RPS6KC1: variants seen among roughly 807,000 people sequenced by gnomAD.
The protein encoded by RPS6KC1 is inactive ribosomal protein S6 kinase delta-1.
RPS6KC1 carries 54 observed loss-of-function variants against 103.8 expected under a neutral mutation model. The ratio of observed to expected loss-of-function variants is 0.52; its 90% CI spans 0.42 to 0.65. The LOEUF is 0.65. Among genes scored for constraint, RPS6KC1 ranks in the 30% least tolerant of loss-of-function variants. The probability of loss-of-function intolerance (pLI) is 0.00; values close to 1 mark genes in which losing one functional copy is unlikely to be tolerated. For synonymous variants in RPS6KC1, 439 were observed against 438.7 expected (o/e 1.00, Z -0.01); for missense variants, 1,151 against 1,253.8 (o/e 0.92, Z 1.24).
chr1:213,649,067 G>A, the RPS6KC1 span, among the ~76,000 whole-genome samples: 1 of 151,848 alleles, frequency 6.6e-6, no homozygotes, highest in Non-Finnish European at 1.5e-5. Context: ...AGAACTCCAG[G>A]CTCAGAGGAA....
At chr1:213,395,011 T>C in the RPS6KC1 span, among the ~76,000 whole-genome samples, 8 of 152,300 alleles carry the variant, frequency 5.3e-5, no homozygotes, top group African/African-American at 1.4e-4. Context: ...CCCAGTTCTC[T>C]AGCAGAGCGG....
rs2095081969 is a variant in RPS6KC1, at chr1:213,273,184, T to A, written c.*550T>A. On this transcript the variant is annotated 3_prime_UTR_variant, in exon 15 of 15. Transcript: ENST00000366960. The stretch of plus-strand genomic sequence containing the variant: ...GCTGTATAATGTATGTTGAATGTGG[T>A]CCCAGATTATTTCTGTAAGAAGACA... The A allele has an allele frequency of 6.5e-6, 1 of 153,188 alleles. No homozygotes were observed. Among genetic ancestry groups the A allele is most frequent in the Admixed American group, 6.5e-5 (1 of 15,376 alleles). The allele number at this position is 153,188 out of a possible 1,614,324, so 9.5% of individuals were successfully genotyped here. A position where few individuals can be genotyped will look rare whatever the true frequency, so the allele number is the denominator to read the frequency against.
the RPS6KC1 span, among the ~76,000 whole-genome samples, chr1:213,431,655 A>G: frequency 0.017 from 2,399 of 141,666 alleles, 91 homozygotes; most frequent in African/African-American, 0.055. Context: ...GTTTGTGTGT[A>G]TGTGTGTGTG....
At chr1:213,360,876 A>G in the RPS6KC1 span, among the ~76,000 whole-genome samples, 1 of 152,200 alleles carries the variant, frequency 6.6e-6, no homozygotes, top group Non-Finnish European at 1.5e-5. Flanking sequence ...AACAGCGAAT[A>G]TTGCTGAACA....
chr1:213,626,777 T>C, the RPS6KC1 span, among the ~76,000 whole-genome samples: 5 of 152,214 alleles, frequency 3.3e-5, no homozygotes, highest in Admixed American at 1.3e-4. Flanking sequence ...TTCTGTTCCA[T>C]TGGCCTATAT....
intron 10 of RPS6KC1, among the ~76,000 whole-genome samples, chr1:213,236,798 A>G (rs2094231122): frequency 6.6e-6 from 1 of 152,132 alleles, no homozygotes; most frequent in Admixed American, 6.5e-5. Context: ...GATATACAAA[A>G]CAGAAAGGAG....
intron 8 of RPS6KC1, among the ~76,000 whole-genome samples, chr1:213,214,117 CCT>C (rs2093593052): frequency 6.6e-6 from 1 of 151,212 alleles, no homozygotes; most frequent in Admixed American, 6.6e-5. Flanking sequence ...CAGGGAATTC[CCT>C]TTCATAGCCA....
At chr1:213,823,253 T>G in the RPS6KC1 span, among the ~76,000 whole-genome samples, 1 of 152,210 alleles carries the variant, frequency 6.6e-6, no homozygotes, top group Admixed American at 6.5e-5. Context: ...GCTGATCACA[T>G]GATAGTATAT....
the RPS6KC1 span, among the ~76,000 whole-genome samples, chr1:213,605,264 G>A: frequency 2.0e-5 from 3 of 152,112 alleles, no homozygotes; most frequent in Non-Finnish European, 4.4e-5. Flanking sequence ...CAAAATGGAC[G>A]GAAATAGAGT....
At chr1:213,060,867 A>G (rs1018919148) in intron 1 of RPS6KC1, among the ~76,000 whole-genome samples, 1 of 152,136 alleles carries the variant, frequency 6.6e-6, no homozygotes, top group African/African-American at 2.4e-5. Flanking sequence ...ACAACTCCTT[A>G]CTGTCTTTGT....
chr1:213,116,627 G>A (rs996699762), intron 4 of RPS6KC1, among the ~76,000 whole-genome samples: 7 of 151,268 alleles, frequency 4.6e-5, no homozygotes, highest in African/African-American at 1.5e-4. Context: ...CTCGTTAGTC[G>A]ATGCAGTTTC....
At chr1:213,327,876 T>C in the RPS6KC1 span, among the ~76,000 whole-genome samples, 4 of 152,124 alleles carry the variant, frequency 2.6e-5, no homozygotes, top group African/African-American at 9.7e-5. Flanking sequence ...TTCCAAGTCT[T>C]GGTCGTCTCA....
At chr1:213,233,219 T>G (rs1411678337) in intron 10 of RPS6KC1, among the ~76,000 whole-genome samples, 1 of 152,138 alleles carries the variant, frequency 6.6e-6, no homozygotes, top group Non-Finnish European at 1.5e-5. Flanking sequence ...AGGGAAGACC[T>G]CCATATGCAG....
Position 213,117,371 on chromosome 1 carries a change from G to C in RPS6KC1, c.433G>C (p.Asp145His). The change falls in exon 5 of 15, where the codon GAT becomes CAT. Residue 145 changes from aspartate (D) to histidine (H), a missense_variant. This residue lies in a region of RPS6KC1 where 959 missense variants were observed against 1,006.3 expected (regional missense o/e 0.95). Transcript: ENST00000366960. ...AATTGGTCCTGCTGAAGCTCACTCA[G>C]ATTCCCTCATTGATACCTTTCCTGA... Reference protein sequence around the residue: ...ELIGPAEAHSDSLIDTFPECS... With the variant: ...ELIGPAEAHSHSLIDTFPECS... The C allele has an allele frequency of 2.5e-6, 4 of 1,611,078 alleles. No homozygotes were observed. The highest frequency in any genetic ancestry group is 2.2e-5 in the South Asian group (2 of 90,886).
the RPS6KC1 span, among the ~76,000 whole-genome samples, chr1:213,802,112 T>A: frequency 2.0e-5 from 3 of 152,300 alleles, no homozygotes; most frequent in South Asian, 6.2e-4. Context: ...GTGTAAACTG[T>A]GAAGAAGGAC....
intron 3 of RPS6KC1, among the ~76,000 whole-genome samples, chr1:213,098,900 G>T (rs1454165128): frequency 6.6e-6 from 1 of 152,180 alleles, no homozygotes; most frequent in African/African-American, 2.4e-5. Context: ...ATAAGATGAG[G>T]TATATAATAT....
In RPS6KC1 at chr1:213,205,547, G is replaced by GATATAGATATATATATATATAT. The variant is rs1187996128; in HGVS notation, c.1045-24945_1045-24944insGATATATATATATATATATATA. Among the ~76,000 whole-genome samples, 28 of 102,450 alleles carry GATATAGATATATATATATATAT rather than the reference G, an allele frequency of 2.7e-4. 1 individual carries two copies. The highest frequency in any genetic ancestry group is 9.5e-4 in the African/African-American group (26 of 27,298). 67.2% of individuals were successfully genotyped at this position (102,450 alleles called of 152,430 possible). A position where few individuals can be genotyped will look rare whatever the true frequency, so the allele number is the denominator to read the frequency against. On this transcript the variant is annotated intron_variant, in intron 8 of 14. Transcript: ENST00000366960. ...AACAACAAACTCATTTATATATATA[G>GATATAGATATATATATATATAT]ATATATATATATATATATATTTCAA...
the RPS6KC1 span, among the ~76,000 whole-genome samples, chr1:213,563,077 G>A: frequency 1.3e-5 from 2 of 152,078 alleles, no homozygotes; most frequent in Admixed American, 6.5e-5. Flanking sequence ...TATATTATCT[G>A]TCACCATATT....
At chr1:213,497,393 GGAAATTTTCCC>G in the RPS6KC1 span, among the ~76,000 whole-genome samples, 3,920 of 150,670 alleles carry the variant, frequency 0.026, 176 homozygotes, top group African/African-American at 0.091. Flanking sequence ...AAAAACACTT[GGAAATTTTCCC>G]CAAACACCAA....
Sources: allele counts gnomAD v4.1 joint callset (sites outside exome capture counted in the v4.1 genomes callset), GRCh38; gene constraint gnomAD v4.1.1; regional missense constraint gnomAD v4.1.1; transcripts MANE v1.5; gene names NCBI Gene and HGNC (gene_info 2026-07-23, HGNC 2026-07-21).